Variants in GATAD1 observed in about 807,000 individuals in gnomAD.
The protein encoded by GATAD1 is GATA zinc finger domain-containing protein 1.
GATAD1 carries 12 observed loss-of-function variants against 26.5 expected under a neutral mutation model. That is an observed-to-expected ratio of 0.45 (90% CI 0.29 to 0.73). The LOEUF is 0.73. GATAD1 is among the 30% of genes least tolerant of loss of function. GATAD1 has a pLI of 0.10. For synonymous variants in GATAD1, 129 were observed against 133.1 expected (o/e 0.97, Z 0.21); for missense variants, 266 against 342.1 (o/e 0.78, Z 1.75).
chr7:92,494,537 CGG>C, the GATAD1 span: 21 of 1,613,854 alleles, frequency 1.3e-5, no homozygotes, highest in Non-Finnish European at 1.8e-5. Context: ...GTTAACTACT[CGG>C]TCTGTAACTC....
At chr7:92,473,446 C>G in the GATAD1 span, among the ~76,000 whole-genome samples, 1 of 151,946 alleles carries the variant, frequency 6.6e-6, no homozygotes. Context: ...TTTAGTTTAA[C>G]TTGAACAGGA....
chr7:92,488,170 G>A, the GATAD1 span, among the ~76,000 whole-genome samples: 2 of 152,206 alleles, frequency 1.3e-5, no homozygotes, highest in African/African-American at 4.8e-5. Flanking sequence ...CAGGATGTAT[G>A]TGGATAAAGG....
chr7:92,491,668 T>C, the GATAD1 span: 1 of 587,590 alleles, frequency 1.7e-6, no homozygotes. Context: ...GGTAAAAATT[T>C]AACTATTAAA....
intron 3 of GATAD1, among the ~76,000 whole-genome samples, chr7:92,452,121 T>G (rs1386457796): frequency 6.6e-6 from 1 of 152,250 alleles, no homozygotes; most frequent in Non-Finnish European, 1.5e-5. Flanking sequence ...TCTTCGTATT[T>G]GTGCATTACC....
chr7:92,471,314 CTCTGGCACACTTCACAGGCCCTGACTA>C, the GATAD1 span: 1 of 159,742 alleles, frequency 6.3e-6, no homozygotes, highest in East Asian at 1.9e-4. Flanking sequence ...GGGATTATTT[CTCTGGCACACTTCACAGGCCCTGACTA>C]TCTGCTTGAT....
In GATAD1 at chr7:92,458,134, CAAAAAAGAA is replaced by C. The variant is rs1446781548; in HGVS notation, c.*1586_*1594del. ...CCTGGGTGATAGAGCAAGACTGTCTCAAAAAAGAAAAAAAAGAAAAAATTTTAATTTAAT... is the reference window on the plus strand; with the variant it reads ...CCTGGGTGATAGAGCAAGACTGTCTCAAAAAAGAAAAAATTTTAATTTAAT... On this transcript the variant is annotated 3_prime_UTR_variant, in exon 5 of 5. Transcript: ENST00000287957. 2.0e-5 allele frequency: 3 copies of C among 150,950 alleles called. No homozygotes were observed. The highest frequency in any genetic ancestry group is 2.1e-4 in the South Asian group (1 of 4,796). 9.4% of individuals were successfully genotyped at this position (150,950 alleles called of 1,614,324 possible).
chr7:92,474,906 G>A, the GATAD1 span: 3 of 152,036 alleles, frequency 2.0e-5, no homozygotes, highest in Admixed American at 6.6e-5. Flanking sequence ...GGGGAATATT[G>A]GCACTCTTTG....
At chr7:92,492,588 CA>C in the GATAD1 span, among the ~76,000 whole-genome samples, 1 of 152,164 alleles carries the variant, frequency 6.6e-6, no homozygotes, top group Admixed American at 6.5e-5. Flanking sequence ...ATGTGAGCTT[CA>C]AAACAACAAC....
chr7:92,463,663 A>AG (rs1491338666), downstream of GATAD1, among the ~76,000 whole-genome samples: 2 of 118,180 alleles, frequency 1.7e-5, no homozygotes, highest in African/African-American at 2.9e-5. Flanking sequence ...ATTCCGTCTC[A>AG]AAAAAAAAAA....
the GATAD1 span, chr7:92,474,689 G>T: frequency 6.6e-6 from 1 of 152,224 alleles, no homozygotes; most frequent in East Asian, 1.9e-4. Context: ...TTTGGGGTTA[G>T]TGTCTGATTT....
intron 2 of GATAD1, chr7:92,449,169 T>C (rs1789309441): frequency 7.4e-6 from 8 of 1,082,406 alleles, no homozygotes; most frequent in Admixed American, 4.5e-5. Flanking sequence ...TTTGGGGTTC[T>C]CTATGGAAAG....
chr7:92,458,443 A>G lies in GATAD1; in HGVS notation c.*1881A>G, dbSNP rs1265545953. On this transcript the variant is annotated 3_prime_UTR_variant, in exon 5 of 5. Coordinates refer to ENST00000287957, the MANE Select transcript of GATAD1 (RefSeq NM_021167.5). ...AAACATCTACCCTAAACCATCTGCT[A>G]TGGACCCATAATAAGAGGCCTGTTG... 3 of 152,330 alleles carry G rather than the reference A, an allele frequency of 2.0e-5. No homozygotes were observed. In the South Asian group the frequency reaches 6.2e-4, roughly 32 times the overall value. The allele number at this position is 152,330 out of a possible 1,614,324, so 9.4% of individuals were successfully genotyped here. A position where few individuals can be genotyped will look rare whatever the true frequency, so the allele number is the denominator to read the frequency against.
At chr7:92,463,674 A>G (rs1360071375), downstream of GATAD1, among the ~76,000 whole-genome samples, 2 of 147,586 alleles carry the variant, frequency 1.4e-5, no homozygotes, top group Non-Finnish European at 3.0e-5. Context: ...AAAAAAAAAA[A>G]AAAAAGGTTG....
At chr7:92,492,803 C>A in the GATAD1 span, 29 of 692,064 alleles carry the variant, frequency 4.2e-5, no homozygotes, top group African/African-American at 5.1e-4. Flanking sequence ...CATATTCCAA[C>A]TATGGAACAT....
At chr7:92,475,986 C>T in the GATAD1 span, among the ~76,000 whole-genome samples, 1 of 152,226 alleles carries the variant, frequency 6.6e-6, no homozygotes, top group Non-Finnish European at 1.5e-5. Flanking sequence ...TCTAACTCTG[C>T]TTCCACAAGA....
chr7:92,452,057 A>G (rs1471397769), intron 3 of GATAD1, among the ~76,000 whole-genome samples: 1 of 152,382 alleles, frequency 6.6e-6, no homozygotes, highest in East Asian at 1.9e-4. Flanking sequence ...ATGAAATCAT[A>G]TGTGTTAAGC....
At chr7:92,468,952 G>T in the GATAD1 span, 1 of 763,932 alleles carries the variant, frequency 1.3e-6, no homozygotes, top group Non-Finnish European at 2.4e-6. Context: ...GATTCTGGAA[G>T]AGACAAAGTT....
the GATAD1 span, among the ~76,000 whole-genome samples, chr7:92,488,951 C>T: frequency 9.2e-5 from 14 of 152,106 alleles, no homozygotes; most frequent in Admixed American, 7.9e-4. Context: ...TTAGGCTTGC[C>T]TCGAACTCCT....
chr7:92,470,474 C>T, the GATAD1 span: 9 of 601,246 alleles, frequency 1.5e-5, no homozygotes, highest in Admixed American at 2.5e-4. Context: ...CTAGCGTTGT[C>T]TCCTGGATTT....
Sources: gnomAD v4.1 joint callset for allele counts (sites outside exome capture counted in the v4.1 genomes callset) on GRCh38, gnomAD v4.1.1 for gene constraint, MANE v1.5 for transcripts, NCBI Gene and HGNC (gene_info 2026-07-23, HGNC 2026-07-21) for gene names.